The following CIT variants were observed in gnomAD, a reference collection of about 807,000 sequenced individuals.
The protein encoded by CIT is citron rho-interacting serine/threonine kinase, also known as citron Rho-interacting kinase.
A neutral mutation model predicts 272.7 loss-of-function variants in CIT; 79 were observed. That is an observed-to-expected ratio of 0.29 (90% confidence interval 0.24 to 0.35). The LOEUF (loss-of-function observed/expected upper bound fraction) is 0.35. Ranked by LOEUF, CIT falls within the 10% of genes least tolerant of loss-of-function variation. The pLI is 1.00. For synonymous variants in CIT, 948 were observed against 995.6 expected, an observed-to-expected ratio of 0.95 and a Z score of 0.90; for missense variants, 1,909 against 2,618.3, an observed-to-expected ratio of 0.73 and a Z score of 5.91.
chr12:119,870,707 AG>A (rs1950648100), intron 2 of CIT, among the ~76,000 whole-genome samples: 1 of 152,112 alleles, frequency 6.6e-6, no homozygotes, highest in Admixed American at 6.6e-5. Flanking sequence ...ACTGGAACAC[AG>A]CTACACCCAT....
Position 119,718,387 on chromosome 12 carries a change from G to A in CIT, c.4026C>T (p.Asp1342=). The A allele has an allele frequency of 6.2e-7, 1 of 1,613,328 alleles. No homozygotes were observed. The highest frequency in any genetic ancestry group is 1.1e-5 in the South Asian group (1 of 90,954). The change falls in exon 32 of 48, where the codon GAC becomes GAT. Residue 1342 remains aspartate, a synonymous_variant. Transcript: ENST00000392521. This position sits in a 1 kb window ranked among gnomAD's most constrained non-coding sequence, Gnocchi z 4.8. The part of the protein sequence containing the change: ...REEAAHRKAT[D]HPHPSTPATA... ...TGGCTGGCGTGGATGGGTGTGGGTG[G>A]TCCGTTGCTTTGCGGTGGGCAGCTG... is the stretch of plus-strand genomic sequence containing the variant.
At position 119,803,378 on chromosome 12, in the gene CIT, A is replaced by AG. The variant is rs1057520205; in HGVS notation, c.1122dup (p.Phe375LeufsTer8). 6.4e-7 allele frequency: 1 copy of AG among 1,566,690 alleles called. No individual in the cohort carries two copies. The highest frequency in any genetic ancestry group is 8.6e-7 in the Non-Finnish European group (1 of 1,161,064). On this transcript the variant is annotated frameshift_variant, in exon 10 of 48. Coordinates refer to ENST00000392521, the MANE Select transcript of CIT (RefSeq NM_001206999.2). LOFTEE classifies it high-confidence loss of function. ...TCGTCAGACTTGAGGGTGGGAACGAAGGGGGGAGGAGCTGGTTAAAGAAAA... is the reference window on the plus strand; with the variant it reads ...TCGTCAGACTTGAGGGTGGGAACGAAGGGGGGGAGGAGCTGGTTAAAGAAAA...
intron 5 of CIT, among the ~76,000 whole-genome samples, chr12:119,848,341 GAAGTTTAAGAT>G (rs1262449734): frequency 2.0e-5 from 3 of 152,300 alleles, no homozygotes; most frequent in African/African-American, 7.2e-5. Flanking sequence ...CGGGCCAGTA[GAAGTTTAAGAT>G]AAGTGGGAGT....
rs1284456496 is a variant in CIT, at chr12:119,804,787, G to A, written c.1112-1398C>T. On this transcript the variant is annotated intron_variant, in intron 9 of 47. Coordinates refer to ENST00000392521, the MANE Select transcript of CIT (RefSeq NM_001206999.2). The surrounding 1 kb of genome is among the most constrained non-coding windows in gnomAD (Gnocchi z 5.3). ...CCAGAGGTCTGGCTGTTCCTGAGAA[G>A]TACAAAAGAACATTCCCAGAGCTTC... Among the ~76,000 whole-genome samples the A allele has an allele frequency of 6.6e-6, 1 of 152,192 alleles. No homozygotes were observed. Among genetic ancestry groups the A allele is most frequent in the African/African-American group, 2.4e-5 (1 of 41,440 alleles).
intron 10 of CIT, among the ~76,000 whole-genome samples, chr12:119,790,799 A>G (rs181988854): frequency 1.3e-5 from 2 of 152,174 alleles, no homozygotes; most frequent in African/African-American, 4.8e-5. Flanking sequence ...CTCCCACAAC[A>G]AGAATTATCC....
chr12:119,828,146 T>C (rs1968318956), intron 7 of CIT, among the ~76,000 whole-genome samples: 1 of 152,210 alleles, frequency 6.6e-6, no homozygotes, highest in African/African-American at 2.4e-5. Context: ...AACAGATACA[T>C]GATTATACAC....
chr12:119,801,125 AC>A (rs1379709846), intron 10 of CIT, among the ~76,000 whole-genome samples: 2 of 152,178 alleles, frequency 1.3e-5, no homozygotes, highest in Non-Finnish European at 1.5e-5. Flanking sequence ...ATTTGCATGG[AC>A]CTTTTTTGAA....
At chr12:119,717,003 G>A (rs1325177597) in intron 32 of CIT, among the ~76,000 whole-genome samples, 1 of 152,180 alleles carries the variant, frequency 6.6e-6, no homozygotes, top group Non-Finnish European at 1.5e-5. Context: ...ATACTGTAGT[G>A]TGCTATGATA....
intron 16 of CIT, among the ~76,000 whole-genome samples, chr12:119,774,394 TC>T (rs776963510): frequency 4.3e-4 from 66 of 152,254 alleles, no homozygotes; most frequent in Non-Finnish European, 7.6e-4. Flanking sequence ...CAAAGGTACG[TC>T]CCACAACCAC....
At chr12:119,788,955 G>A (rs1472588174) in intron 10 of CIT, among the ~76,000 whole-genome samples, 1 of 152,198 alleles carries the variant, frequency 6.6e-6, no homozygotes, top group Non-Finnish European at 1.5e-5. Context: ...CTATGACTAA[G>A]CTGGGTGTGT....
chr12:119,822,582 T>C (rs1171202632), intron 9 of CIT, among the ~76,000 whole-genome samples: 1 of 152,208 alleles, frequency 6.6e-6, no homozygotes, highest in African/African-American at 2.4e-5. Context: ...TGAGGGATAA[T>C]ATTCTAAAGG....
chr12:119,812,445 C>CT (rs879301480), intron 9 of CIT, among the ~76,000 whole-genome samples: 3,464 of 146,660 alleles, frequency 0.024, 47 homozygotes, highest in Middle Eastern at 0.036. Flanking sequence ...TTTTCTCCAA[C>CT]TTTTTTTTTT....
At chr12:119,853,537 C>T (rs1454390615) in intron 4 of CIT, among the ~76,000 whole-genome samples, 1 of 152,086 alleles carries the variant, frequency 6.6e-6, no homozygotes, top group Non-Finnish European at 1.5e-5. Flanking sequence ...CCTTGGCCTC[C>T]CAAAGTGCTG....
chr12:119,821,875 G>T (rs4767848), intron 9 of CIT, among the ~76,000 whole-genome samples: 88,960 of 151,992 alleles, frequency 0.59, 27,311 homozygotes, highest in East Asian at 0.84. Flanking sequence ...ATGGAAATGC[G>T]ACCTACTTAA....
At chr12:119,858,666 C>CA (rs761938471) in intron 3 of CIT, among the ~76,000 whole-genome samples, 1 of 151,878 alleles carries the variant, frequency 6.6e-6, no homozygotes, top group African/African-American at 2.4e-5. Context: ...CAAAAACATA[C>CA]AAAAAATTAG....
intron 9 of CIT, among the ~76,000 whole-genome samples, chr12:119,806,887 C>T (rs1966643924): frequency 6.6e-6 from 1 of 152,078 alleles, no homozygotes; most frequent in South Asian, 2.1e-4. Flanking sequence ...CCAAACTGAA[C>T]TTCCATAAAT....
chr12:119,850,498 G>A (rs1355976813), intron 4 of CIT, among the ~76,000 whole-genome samples: 1 of 150,578 alleles, frequency 6.6e-6, no homozygotes, highest in African/African-American at 2.4e-5. Flanking sequence ...AAGGGAAAGG[G>A]AAGAAAAGGG....
In CIT at chr12:119,752,107, C is replaced by G. The variant is rs186244485; in HGVS notation, c.2847G>C (p.Ala949=). 1 of 1,612,944 alleles carries G rather than the reference C, an allele frequency of 6.2e-7. No homozygotes were observed. The highest frequency in any genetic ancestry group is 8.5e-7 in the Non-Finnish European group (1 of 1,180,020). ...RAALESQLRQ[A]KTELEETTAE... ...CTGTGGTCTCTTCCAGCTCTGTCTTCGCCTGGCGAAGCTGGCTCTCCAGGG... is the reference window on the plus strand; with the variant it reads ...CTGTGGTCTCTTCCAGCTCTGTCTTGGCCTGGCGAAGCTGGCTCTCCAGGG... Residue 949 remains alanine (A), a synonymous_variant, in exon 23 of 48, where the codon GCG becomes GCC. Coordinates refer to ENST00000392521, the MANE Select transcript of CIT (RefSeq NM_001206999.2).
chr12:119,855,231 G>A (rs1051221076), intron 4 of CIT, among the ~76,000 whole-genome samples: 2 of 152,008 alleles, frequency 1.3e-5, no homozygotes, highest in Admixed American at 6.6e-5. Flanking sequence ...GACCATCCTG[G>A]CTAACGAGGT....
Sources: gnomAD v4.1 joint callset for allele counts (sites outside exome capture counted in the v4.1 genomes callset) on GRCh38, gnomAD v4.1.1 for gene constraint, Gnocchi (gnomAD v3.1) non-coding constraint, MANE v1.5 for transcripts, NCBI Gene and HGNC (gene_info 2026-07-23, HGNC 2026-07-21) for gene names.